The following ADAMTS5 variants were observed in gnomAD, a reference collection of about 807,000 sequenced individuals.
ADAMTS5 encodes the protein ADAM metallopeptidase with thrombospondin type 1 motif 5.
A neutral mutation model predicts 81.4 loss-of-function variants in ADAMTS5; 54 were observed. That is an observed-to-expected ratio of 0.66 (90% CI 0.53 to 0.83). ADAMTS5 has a LOEUF of 0.83. ADAMTS5 is among the 40% of genes least tolerant of loss of function. ADAMTS5 has a pLI of 0.00. For synonymous variants in ADAMTS5, 532 were observed against 508.8 expected, an observed-to-expected ratio of 1.05 and a Z score of -0.61; for missense variants, 1,194 against 1,229.9, an observed-to-expected ratio of 0.97 and a Z score of 0.44.
intron 7 of ADAMTS5, among the ~76,000 whole-genome samples, chr21:26,925,394 C>A (rs1412501081): frequency 6.6e-6 from 1 of 152,020 alleles, no homozygotes; most frequent in Non-Finnish European, 1.5e-5. Flanking sequence ...TTTCTGAATT[C>A]TTAGTGCCCA....
intron 3 of ADAMTS5, among the ~76,000 whole-genome samples, chr21:26,935,908 C>T (rs1197810850): frequency 6.6e-6 from 1 of 152,154 alleles, no homozygotes; most frequent in Non-Finnish European, 1.5e-5. Flanking sequence ...ATATTTGTTA[C>T]ACACACTATT....
intron 7 of ADAMTS5, among the ~76,000 whole-genome samples, chr21:26,928,945 C>T (rs1986856586): frequency 6.6e-6 from 1 of 152,062 alleles, no homozygotes; most frequent in Non-Finnish European, 1.5e-5. Flanking sequence ...ATTGGGCATG[C>T]AGGGTTTTTG....
At chr21:26,928,178 A>G (rs1368710594) in intron 7 of ADAMTS5, among the ~76,000 whole-genome samples, 4 of 152,312 alleles carry the variant, frequency 2.6e-5, no homozygotes, top group Admixed American at 1.3e-4. Flanking sequence ...TGGTAAAGAA[A>G]TTAGGTGACA....
chr21:26,954,128 A>C (rs2123199352), intron 2 of ADAMTS5: 1 of 152,180 alleles, frequency 6.6e-6, no homozygotes, highest in South Asian at 2.1e-4. Context: ...ATTTTTTAGC[A>C]ATCAACTCAG....
In ADAMTS5 at chr21:26,932,015, A is replaced by G; in HGVS notation, c.2038T>C (p.Phe680Leu). The G allele has an allele frequency of 1.2e-6, 2 of 1,612,714 alleles. No homozygotes were observed. The highest frequency in any genetic ancestry group is 1.7e-6 in the Non-Finnish European group (2 of 1,179,338). Reference protein sequence around the residue: ...RAKGTGYYVVFSPKVTDGTEC... With the variant: ...RAKGTGYYVVLSPKVTDGTEC... ...TGGTGTGTAGTTACCTTTGGAGAAAATACCACATAGTAGCCAGTGCCCTTG... is the reference window on the plus strand; with the variant it reads ...TGGTGTGTAGTTACCTTTGGAGAAAGTACCACATAGTAGCCAGTGCCCTTG... Residue 680 changes from phenylalanine to leucine, a missense_variant, in exon 6 of 8, where the codon TTT becomes CTT. Phe to Leu is a conservative substitution (Grantham distance 22). This residue lies in a region of ADAMTS5 where 696 missense variants were observed against 817.6 expected (regional missense o/e 0.85). Transcript: ENST00000284987.
At chr21:26,942,558 A>G (rs1247112482) in intron 3 of ADAMTS5, among the ~76,000 whole-genome samples, 1 of 152,190 alleles carries the variant, frequency 6.6e-6, no homozygotes, top group Admixed American at 6.5e-5. Flanking sequence ...GTGCTAATGC[A>G]TCTATCCTCC....
intron 3 of ADAMTS5, among the ~76,000 whole-genome samples, chr21:26,940,030 G>C (rs1344521480): frequency 6.6e-6 from 1 of 152,126 alleles, no homozygotes; most frequent in Admixed American, 6.6e-5. Context: ...TTTCTTGTTG[G>C]AACTAAATCA....
rs1041433183 is a variant in ADAMTS5 at position 26,966,826 on chromosome 21, G to T, written c.-435C>A. On this transcript the variant is annotated 5_prime_UTR_variant, in exon 1 of 8. Transcript: ENST00000284987. ...GCGCAGCCTCCCGCCCCCGCGCTGC[G>T]CTGGACAAGCCGGCTGTGGAGGTTC... Among the ~76,000 whole-genome samples the T allele has an allele frequency of 1.3e-5, 2 of 152,122 alleles. No individual in the cohort carries two copies. The highest frequency in any genetic ancestry group is 4.8e-5 in the African/African-American group (2 of 41,402).
At position 26,965,908 on chromosome 21, in the gene ADAMTS5, G is replaced by C; in HGVS notation, c.484C>G (p.Arg162Gly). ...LDGFFAVKHA[R>G]YTLKPLLRGP... is the part of the protein sequence containing the mutation. ...CGCAGCAGTGGCTTTAGGGTGTAGC[G>C]CGCGTGCTTGACCGCGAAGAAGCCG... The change falls in exon 1 of 8, where the codon CGC (arginine) becomes GGC (glycine). Residue 162 changes from arginine (R) to glycine (G), a missense_variant. Coordinates refer to ENST00000284987, the MANE Select transcript of ADAMTS5 (RefSeq NM_007038.5). 3.1e-6 allele frequency: 5 copies of C among 1,613,884 alleles called. No individual in the cohort carries two copies. Among genetic ancestry groups the C allele is most frequent in the Admixed American group, 1.7e-5 (1 of 60,024 alleles).
chr21:26,938,040 G>A (rs941264548), intron 3 of ADAMTS5, among the ~76,000 whole-genome samples: 2 of 152,072 alleles, frequency 1.3e-5, no homozygotes, highest in African/African-American at 2.4e-5. Flanking sequence ...AAGAGTTCGC[G>A]ACCAGCCTGG....
At position 26,927,591 on chromosome 21, in the gene ADAMTS5, G is replaced by A. The variant is rs144785925; in HGVS notation, c.2225+2295C>T. On this transcript the variant is annotated intron_variant, in intron 7 of 7. Coordinates refer to ENST00000284987, the MANE Select transcript of ADAMTS5 (RefSeq NM_007038.5). Reference sequence around the variant, plus strand: ...GGGACAGTGTAGAAAAGACATAGAGGAGGGAAGGGGCCAGATCTTTTAGCA... The same window carrying A: ...GGGACAGTGTAGAAAAGACATAGAGAAGGGAAGGGGCCAGATCTTTTAGCA... Among the ~76,000 whole-genome samples, 676 of 152,260 alleles carry A rather than the reference G, an allele frequency of 4.4e-3. 1 individual carries two copies. Among genetic ancestry groups the A allele is most frequent in the Non-Finnish European group, 7.0e-3 (477 of 68,006 alleles).
chr21:26,925,917 T>A lies in ADAMTS5; in HGVS notation c.2226-1297A>T, dbSNP rs1986798199. 2.6e-5 allele frequency among the ~76,000 whole-genome samples: 4 copies of A among 152,252 alleles called. No homozygotes were observed. In the South Asian group the frequency reaches 8.3e-4, roughly 31 times the overall value. On this transcript the variant is annotated intron_variant, in intron 7 of 7. Transcript: ENST00000284987. The stretch of plus-strand genomic sequence containing the variant: ...CGTTCCTTATTCTGTCTAACTCGAT[T>A]CATTATTTTTATTTTTGTAATACAT...
At chr21:26,948,740 A>G (rs1987263024) in intron 2 of ADAMTS5, among the ~76,000 whole-genome samples, 1 of 152,220 alleles carries the variant, frequency 6.6e-6, no homozygotes, top group South Asian at 2.1e-4. Flanking sequence ...TCACCTTATA[A>G]CTAGCTGTGT....
chr21:26,931,893 C>A, intron 6 of ADAMTS5, 111 bp downstream of exon 6: 3 of 1,130,784 alleles, frequency 2.7e-6, no homozygotes, highest in East Asian at 2.7e-5. Context: ...CTTCCAAAAT[C>A]TAACTGACCC....
At position 26,932,023 on chromosome 21, in the gene ADAMTS5, T is replaced by C. The variant is rs2123172505; in HGVS notation, c.2030A>G (p.Tyr677Cys). The C allele has an allele frequency of 6.2e-7, 1 of 1,613,792 alleles. No homozygotes were observed. Among genetic ancestry groups the C allele is most frequent in the East Asian group, 2.2e-5 (1 of 44,874 alleles). The change falls in exon 6 of 8, where the codon TAT becomes TGT. Residue 677 changes from tyrosine (Y) to cysteine (C), a missense_variant. Tyr to Cys is a radical substitution (Grantham distance 194, BLOSUM62 -2). Transcript: ENST00000284987. ...AGTTACCTTTGGAGAAAATACCACATAGTAGCCAGTGCCCTTGGCTCTGCA... is the reference window on the plus strand; with the variant it reads ...AGTTACCTTTGGAGAAAATACCACACAGTAGCCAGTGCCCTTGGCTCTGCA... ...LTCRAKGTGYYVVFSPKVTDG... is the reference protein window; with the variant it reads ...LTCRAKGTGYCVVFSPKVTDG...
chr21:26,943,530 A>G lies in ADAMTS5; in HGVS notation c.1255T>C (p.Ser419Pro), dbSNP rs1174269155. ...TCACAGAATTTGGAATCGTCATGGG[A>G]GAGGCCAAGTAAATGTCCTAAGGGA... Reference protein sequence around the residue: ...AHEIGHLLGLSHDDSKFCEET... With the variant: ...AHEIGHLLGLPHDDSKFCEET... Residue 419 changes from serine (S) to proline (P), a missense_variant, in exon 3 of 8, where the codon TCC (serine) becomes CCC (proline). By Grantham distance (74) the Ser-to-Pro change is moderately conservative. Coordinates refer to ENST00000284987, the MANE Select transcript of ADAMTS5 (RefSeq NM_007038.5). 6.2e-7 allele frequency: 1 copy of G among 1,613,420 alleles called. No individual in the cohort carries two copies. The highest frequency in any genetic ancestry group is 2.2e-5 in the East Asian group (1 of 44,852).
chr21:26,940,272 A>G (rs954795418), intron 3 of ADAMTS5, among the ~76,000 whole-genome samples: 1 of 152,160 alleles, frequency 6.6e-6, no homozygotes, highest in Non-Finnish European at 1.5e-5. Context: ...AAAATTGTAT[A>G]TGTGTTGTCA....
At chr21:26,960,427 TA>T (rs1299432730) in intron 1 of ADAMTS5, among the ~76,000 whole-genome samples, 10 of 152,204 alleles carry the variant, frequency 6.6e-5, no homozygotes, top group Non-Finnish European at 1.3e-4. Context: ...TATTTGGAGA[TA>T]GGGCCTACAA....
At chr21:26,925,572 G>A (rs538950240) in intron 7 of ADAMTS5, among the ~76,000 whole-genome samples, 5 of 152,284 alleles carry the variant, frequency 3.3e-5, no homozygotes, top group Admixed American at 6.5e-5. Context: ...GTGAAATGAC[G>A]AGTCAACTTT....
Sources: gnomAD v4.1 joint callset for allele counts (sites outside exome capture counted in the v4.1 genomes callset) on GRCh38, gnomAD v4.1.1 for gene constraint, gnomAD v4.1.1 regional missense constraint, MANE v1.5 for transcripts, NCBI Gene and HGNC (gene_info 2026-07-23, HGNC 2026-07-21) for gene names.